The following EYS variants were observed in gnomAD, a reference collection of about 807,000 sequenced individuals.
EYS encodes protein eyes shut homolog.
In EYS, 250 loss-of-function variants were observed where a neutral mutation model predicts 282.1. That is an observed-to-expected ratio of 0.89 (90% CI 0.80 to 0.98). The LOEUF (loss-of-function observed/expected upper bound fraction) is 0.98. Ranked by LOEUF, EYS falls within the 50% of genes least tolerant of loss-of-function variation. EYS has a pLI of 0.00. For missense variants in EYS, 4,016 were observed against 3,709.0 expected, an observed-to-expected ratio of 1.08 and a Z score of -2.15; for synonymous variants, 1,355 against 1,282.9, an observed-to-expected ratio of 1.06 and a Z score of -1.20.
At chr6:64,672,770 C>G (rs1769511590) in intron 22 of EYS, among the ~76,000 whole-genome samples, 1 of 152,036 alleles carries the variant, frequency 6.6e-6, no homozygotes, top group Non-Finnish European at 1.5e-5. Flanking sequence ...TGTGACTCTT[C>G]CTGACAACCA....
Position 65,643,280 on chromosome 6 carries a change from G to A in EYS, c.-447-3388C>T, listed in dbSNP as rs567760098. ...CTGCTGACTTTCCCCCACTTCTTTGGTGACCTGTACGACTCAGCAGAGGCA... is the reference window on the plus strand; with the variant it reads ...CTGCTGACTTTCCCCCACTTCTTTGATGACCTGTACGACTCAGCAGAGGCA... On this transcript the variant is annotated intron_variant, in intron 1 of 42. Coordinates refer to ENST00000503581, the MANE Select transcript of EYS (RefSeq NM_001142800.2). Among the ~76,000 whole-genome samples the A allele has an allele frequency of 7.9e-5, 12 of 152,218 alleles. No individual in the cohort carries two copies. In the South Asian group the frequency reaches 2.3e-3, roughly 29 times the overall value.
intron 29 of EYS, among the ~76,000 whole-genome samples, chr6:64,359,381 C>T (rs1277333488): frequency 6.6e-6 from 1 of 151,668 alleles, no homozygotes; most frequent in African/African-American, 2.4e-5. Flanking sequence ...CTTTGATAAA[C>T]TCCCTGTAAA....
At chr6:64,719,368 G>A (rs986618900) in intron 22 of EYS, among the ~76,000 whole-genome samples, 1 of 152,132 alleles carries the variant, frequency 6.6e-6, no homozygotes. Flanking sequence ...AATAGAAAAT[G>A]TAAGTTTTAT....
chr6:64,766,002 A>C (rs1040570334), intron 22 of EYS, among the ~76,000 whole-genome samples: 3 of 152,096 alleles, frequency 2.0e-5, no homozygotes, highest in Non-Finnish European at 4.4e-5. Flanking sequence ...TTAGGGTCAA[A>C]TATATTAGCT....
At chr6:63,788,884 T>C (rs912624931) in intron 38 of EYS, among the ~76,000 whole-genome samples, 174 bp downstream of exon 38, 1 of 152,214 alleles carries the variant, frequency 6.6e-6, no homozygotes, top group Admixed American at 6.5e-5. Flanking sequence ...ATCCCTCTTA[T>C]TTGTTCTCAC....
intron 12 of EYS, among the ~76,000 whole-genome samples, chr6:65,152,664 C>A (rs900350342): frequency 4.6e-5 from 7 of 151,810 alleles, no homozygotes. Flanking sequence ...TTTGTTATAG[C>A]AACCCTAGCA....
chr6:65,200,615 TAC>T (rs1445818949), intron 12 of EYS, among the ~76,000 whole-genome samples: 1 of 151,614 alleles, frequency 6.6e-6, no homozygotes, highest in South Asian at 2.1e-4. Flanking sequence ...TGACACGAAG[TAC>T]AGTTATTGTA....
At chr6:64,349,869 T>C (rs1194581047) in intron 29 of EYS, among the ~76,000 whole-genome samples, 1 of 151,552 alleles carries the variant, frequency 6.6e-6, no homozygotes, top group African/African-American at 2.4e-5. Flanking sequence ...ATGTAGTTTT[T>C]TTCCCGTTTT....
chr6:65,202,123 T>A (rs980938895), intron 12 of EYS, among the ~76,000 whole-genome samples: 2 of 150,966 alleles, frequency 1.3e-5, no homozygotes, highest in African/African-American at 4.9e-5. Context: ...AAAAAAAAAA[T>A]GTATTTTACA....
chr6:65,384,391 A>G lies in EYS; in HGVS notation c.1294T>C (p.Phe432Leu), dbSNP rs576022124. Reference protein sequence around the residue: ...EEWCFNIIGRFKYVCIPGCTK... With the variant: ...EEWCFNIIGRLKYVCIPGCTK... Reference sequence around the variant, plus strand: ...CCATGTATTAAATTACTTACTTTGAATCTTCCAATTATATTGAAACACCAT... The same window carrying G: ...CCATGTATTAAATTACTTACTTTGAGTCTTCCAATTATATTGAAACACCAT... The change falls in exon 8 of 43, where the codon TTC becomes CTC. Residue 432 changes from phenylalanine (F) to leucine (L), a missense_variant. Transcript: ENST00000503581. 5.1e-6 allele frequency: 8 copies of G among 1,580,374 alleles called. No homozygotes were observed. In the South Asian group the frequency reaches 7.7e-5, roughly 15 times the overall value.
At chr6:64,884,981 T>G (rs1767043714) in intron 19 of EYS, among the ~76,000 whole-genome samples, 1 of 151,646 alleles carries the variant, frequency 6.6e-6, no homozygotes, top group Non-Finnish European at 1.5e-5. Flanking sequence ...ACCACTCTTT[T>G]CCTTTGACTC....
At chr6:64,574,360 C>A (rs185328487) in intron 26 of EYS, among the ~76,000 whole-genome samples, 1 of 152,248 alleles carries the variant, frequency 6.6e-6, no homozygotes, top group East Asian at 1.9e-4. Flanking sequence ...ACCACCACAG[C>A]ACTTGTATAC....
intron 30 of EYS, among the ~76,000 whole-genome samples, chr6:64,288,336 T>G (rs868535363): frequency 6.6e-6 from 1 of 152,132 alleles, no homozygotes; most frequent in Non-Finnish European, 1.5e-5. Context: ...CATATATACC[T>G]GGATGCTTAT....
chr6:63,990,250 G>T (rs1019029936), intron 34 of EYS, among the ~76,000 whole-genome samples: 9 of 151,666 alleles, frequency 5.9e-5, no homozygotes, highest in African/African-American at 1.9e-4. Context: ...TTCCCCTGTG[G>T]AGACACAGAA....
intron 12 of EYS, among the ~76,000 whole-genome samples, chr6:65,245,588 C>A (rs367760026): frequency 1.2e-4 from 18 of 151,904 alleles, no homozygotes; most frequent in African/African-American, 3.6e-4. Context: ...AGTTCTTGTG[C>A]GTTTCCCTGA....
chr6:63,976,675 A>G (rs947924932), intron 35 of EYS, among the ~76,000 whole-genome samples: 48 of 152,180 alleles, frequency 3.2e-4, no homozygotes, highest in African/African-American at 1.1e-3. Flanking sequence ...GTTGCTTTGT[A>G]TAGGAGCTAA....
At chr6:65,191,567 C>T (rs906614219) in intron 12 of EYS, among the ~76,000 whole-genome samples, 2 of 151,718 alleles carry the variant, frequency 1.3e-5, no homozygotes, top group African/African-American at 4.8e-5. Flanking sequence ...CAGACATTTG[C>T]AAATTTACAT....
Position 65,305,679 on chromosome 6 carries a change from T to C in EYS, c.1767-9560A>G, listed in dbSNP as rs572941888. On this transcript the variant is annotated intron_variant, in intron 11 of 42. Transcript: ENST00000503581. The stretch of plus-strand genomic sequence containing the variant: ...TATTTCTGGGATTCCCTGGATTCAT[T>C]ATATGAGATGGTGACATGATTAGAG... Among the ~76,000 whole-genome samples the C allele has an allele frequency of 5.3e-5, 8 of 152,358 alleles. No homozygotes were observed. In the South Asian group the frequency reaches 1.7e-3, roughly 32 times the overall value.
intron 30 of EYS, among the ~76,000 whole-genome samples, chr6:64,234,369 T>G (rs1766519577): frequency 6.6e-6 from 1 of 152,140 alleles, no homozygotes; most frequent in African/African-American, 2.4e-5. Context: ...CTAAATGTAG[T>G]TTTTGGTGGG....
Sources: gnomAD v4.1 joint callset for allele counts (sites outside exome capture counted in the v4.1 genomes callset) on GRCh38, gnomAD v4.1.1 for gene constraint, MANE v1.5 for transcripts, NCBI Gene and HGNC (gene_info 2026-07-23, HGNC 2026-07-21) for gene names.